The following COL6A3 variants were observed in gnomAD, a reference collection of about 807,000 sequenced individuals.
COL6A3 encodes the protein collagen alpha-3(VI) chain.
In COL6A3, 137 loss-of-function variants were observed where a neutral mutation model predicts 274.1. The observed-to-expected ratio is 0.50, with a 90% CI of 0.44 to 0.58. The LOEUF is 0.58. Ranked by LOEUF, COL6A3 falls within the 20% of genes least tolerant of loss-of-function variation. The pLI, the probability that COL6A3 is intolerant of heterozygous loss-of-function variation, is 0.00. For synonymous variants in COL6A3, 1,650 were observed against 1,650.6 expected (o/e 1.00, Z 0.01); for missense variants, 3,950 against 4,124.9 (o/e 0.96, Z 1.16).
At chr2:237,392,871 G>A (rs190123825) in intron 3 of COL6A3, among the ~76,000 whole-genome samples, 58 of 152,246 alleles carry the variant, frequency 3.8e-4, no homozygotes, top group African/African-American at 1.2e-3. Flanking sequence ...ACACATCTGA[G>A]GACCACACTG....
intron 1 of COL6A3, among the ~76,000 whole-genome samples, chr2:237,412,108 AAAG>A (rs1463948159): frequency 6.6e-6 from 1 of 152,208 alleles, no homozygotes; most frequent in Admixed American, 6.5e-5. Flanking sequence ...CCCCCTAAAC[AAAG>A]AAGTCCAGAC....
intron 5 of COL6A3, among the ~76,000 whole-genome samples, chr2:237,380,082 G>A (rs2077963177): frequency 6.6e-6 from 1 of 152,122 alleles, no homozygotes; most frequent in Non-Finnish European, 1.5e-5. Context: ...GTTGAACTTT[G>A]GCTATGAAAG....
intron 39 of COL6A3, among the ~76,000 whole-genome samples, chr2:237,338,030 G>T (rs1700639827): frequency 1.3e-5 from 2 of 152,188 alleles, no homozygotes; most frequent in Non-Finnish European, 2.9e-5. Flanking sequence ...CACCAGATAC[G>T]GTAAATTGTT....
rs2077933553 is a variant in COL6A3 at position 237,379,125 on chromosome 2, C to G, written c.2008G>C (p.Asp670His). ...DFVMNLVNSL[D>H]IGNDNIRVGL... Reference sequence around the variant, plus strand: ...ACACGAATATTGTCATTTCCAATATCAAGGCTGTTAACTAGGTTCATTACA... The same window carrying G: ...ACACGAATATTGTCATTTCCAATATGAAGGCTGTTAACTAGGTTCATTACA... The change falls in exon 6 of 44, where the codon GAT becomes CAT. Residue 670 changes from aspartate to histidine, a missense_variant. By Grantham distance (81) the Asp-to-His change is moderately conservative. This residue lies in a region of COL6A3 where 1,934 missense variants were observed against 1,984.3 expected (regional missense o/e 0.97). Coordinates refer to ENST00000295550, the MANE Select transcript of COL6A3 (RefSeq NM_004369.4). 1 of 1,614,102 alleles carries G rather than the reference C, an allele frequency of 6.2e-7. No individual in the cohort carries two copies. Among genetic ancestry groups the G allele is most frequent in the African/African-American group, 1.3e-5 (1 of 74,930 alleles).
chr2:237,358,006 G>A (rs532770020), intron 21 of COL6A3, 124 bp from the exon 22 acceptor site: 62 of 888,170 alleles, frequency 7.0e-5, no homozygotes, highest in African/African-American at 4.1e-4. Flanking sequence ...CAAGCCCTTC[G>A]GCCACAACCC....
chr2:237,324,897 G>T, intron 43 of COL6A3, 83 bp from the exon 44 acceptor site: 1 of 1,404,580 alleles, frequency 7.1e-7, no homozygotes, highest in South Asian at 1.2e-5. Flanking sequence ...ACCCAAAAGG[G>T]CACTGTCATT....
chr2:237,327,807 G>A (rs775828155), intron 42 of COL6A3: 3 of 151,654 alleles, frequency 2.0e-5, no homozygotes, highest in Non-Finnish European at 4.4e-5. Context: ...TCAGCTATGA[G>A]TGCATATGTT....
intron 40 of COL6A3, 27 bp downstream of exon 40, chr2:237,336,108 T>C (rs763288129): frequency 4.9e-5 from 79 of 1,612,674 alleles, no homozygotes; most frequent in Non-Finnish European, 6.6e-5. Flanking sequence ...TGTCACAAGA[T>C]GGCAGCCCTA....
intron 23 of COL6A3, 121 bp from the exon 24 acceptor site, chr2:237,355,055 AC>A: frequency 2.2e-6 from 2 of 925,102 alleles, no homozygotes; most frequent in Non-Finnish European, 1.7e-6. Flanking sequence ...CTTCCCAAGC[AC>A]CCACATCGTG....
At position 237,344,998 on chromosome 2, in the gene COL6A3, A is replaced by G. The variant is rs1559207905; in HGVS notation, c.7163-46T>C. The G allele has an allele frequency of 4.3e-6, 7 of 1,614,220 alleles. No homozygotes were observed. The highest frequency in any genetic ancestry group is 5.9e-6 in the Non-Finnish European group (7 of 1,180,010). On this transcript the variant is annotated intron_variant, in intron 34 of 43. Coordinates refer to ENST00000295550, the MANE Select transcript of COL6A3 (RefSeq NM_004369.4). The surrounding 1 kb of genome is among the most constrained non-coding windows in gnomAD (Gnocchi z 4.8). ...AGAAAGGGTGAGAGACTACTCTACC[A>G]TGTGAGAATTTCGAATGTAAAAATA...
In COL6A3 at chr2:237,345,092, T is replaced by C; in HGVS notation, c.7128A>G (p.Gln2376=). ...PKGNRGDSID[Q]CALIQSIKDK... ...CTTTGATGCTTTGGATGAGGGCACA[T>C]TGCTTTAAAAGAAAATAAAAGAATA... The change falls in exon 34 of 44, where the codon CAA becomes CAG. Residue 2376 remains glutamine (Q), a splice_region_variant and synonymous_variant. Coordinates refer to ENST00000295550, the MANE Select transcript of COL6A3 (RefSeq NM_004369.4). The C allele has an allele frequency of 6.2e-7, 1 of 1,614,158 alleles. No individual in the cohort carries two copies.
At chr2:237,340,360 C>T (rs1048185541) in intron 38 of COL6A3, 92 bp downstream of exon 38, 5 of 1,195,540 alleles carry the variant, frequency 4.2e-6, no homozygotes, top group African/African-American at 3.0e-5. Context: ...CCTGTCAACA[C>T]ATCGGTTGTC....
chr2:237,364,242 G>T lies in COL6A3; in HGVS notation c.5917+108C>A. 3 of 875,082 alleles carry T rather than the reference G, an allele frequency of 3.4e-6. No individual in the cohort carries two copies. The South Asian group carries it at 4.0e-5, about 12-fold the overall frequency. The allele number at this position is 875,082 out of a possible 1,614,324, so 54.2% of individuals were successfully genotyped here. A position where few individuals can be genotyped will look rare whatever the true frequency, so the allele number is the denominator to read the frequency against. ...GGGAGGAAGAGTCTCCCAAGACAAC[G>T]CTGCTCCCTTGGGGCGCTGCATTAG... On this transcript the variant is annotated intron_variant, in intron 13 of 43. Transcript: ENST00000295550. The surrounding 1 kb of genome is among the most constrained non-coding windows in gnomAD (Gnocchi z 4.6).
intron 3 of COL6A3, among the ~76,000 whole-genome samples, chr2:237,390,760 A>C (rs1310072285): frequency 6.6e-6 from 1 of 152,226 alleles, no homozygotes; most frequent in African/African-American, 2.4e-5. Context: ...TTCCTATGTA[A>C]AACACAAAAT....
chr2:237,338,953 T>G, intron 39 of COL6A3, 62 bp downstream of exon 39: 1 of 1,317,470 alleles, frequency 7.6e-7, no homozygotes, highest in Non-Finnish European at 1.1e-6. Flanking sequence ...AGGAGGTGGT[T>G]GGAGGACCTG....
At chr2:237,346,895 A>G (rs138688013) in intron 31 of COL6A3, among the ~76,000 whole-genome samples, 180 of 152,046 alleles carry the variant, frequency 1.2e-3, no homozygotes, top group African/African-American at 4.1e-3. Flanking sequence ...TGAATTAGCT[A>G]ATGCGTTCAG....
intron 42 of COL6A3, among the ~76,000 whole-genome samples, chr2:237,330,961 A>C (rs551845705): frequency 4.1e-4 from 63 of 152,344 alleles, no homozygotes; most frequent in African/African-American, 1.3e-3. Context: ...TGAAAAATAC[A>C]GATTCTTAAG....
intron 31 of COL6A3, 126 bp from the exon 32 acceptor site, chr2:237,346,691 A>G: frequency 1.2e-6 from 1 of 821,688 alleles, no homozygotes; most frequent in South Asian, 1.4e-5. Flanking sequence ...AAAATCTCTC[A>G]CTTTAAGGGA....
At chr2:237,411,432 A>G (rs957838399) in intron 1 of COL6A3, among the ~76,000 whole-genome samples, 21 of 152,316 alleles carry the variant, frequency 1.4e-4, no homozygotes, top group East Asian at 1.3e-3. Flanking sequence ...GAGCAAGGAA[A>G]CAAATGAAAC....
Sources: allele counts gnomAD v4.1 joint callset (sites outside exome capture counted in the v4.1 genomes callset), GRCh38; gene constraint gnomAD v4.1.1; regional missense constraint gnomAD v4.1.1; non-coding constraint Gnocchi (gnomAD v3.1); transcripts MANE v1.5; gene names NCBI Gene and HGNC (gene_info 2026-07-23, HGNC 2026-07-21).